Variants in ABLIM2 observed in about 807,000 individuals in gnomAD.
The protein encoded by ABLIM2 is actin binding LIM protein family member 2.
Under a neutral mutation model 97.7 loss-of-function variants are expected in ABLIM2, and 53 were observed. The observed-to-expected ratio is 0.54, with a 90% CI of 0.44 to 0.68. The LOEUF is 0.68. ABLIM2 is among the 30% of genes least tolerant of loss of function. ABLIM2 has a pLI of 0.00. For missense variants in ABLIM2, 835 were observed against 867.2 expected (o/e 0.96, Z 0.47); for synonymous variants, 361 against 345.8 (o/e 1.04, Z -0.49).
intron 16 of ABLIM2, among the ~76,000 whole-genome samples, chr4:8,006,226 C>T (rs1220160337): frequency 5.3e-5 from 8 of 152,216 alleles, no homozygotes; most frequent in South Asian, 2.1e-4. Flanking sequence ...ATCAGGGGCA[C>T]GGGGGTCACA....
chr4:8,101,329 T>G (rs1561416704), intron 2 of ABLIM2, among the ~76,000 whole-genome samples: 1 of 152,226 alleles, frequency 6.6e-6, no homozygotes, highest in African/African-American at 2.4e-5. Flanking sequence ...CCATGTGATC[T>G]TGACACTCGT....
chr4:7,982,262 GC>G, intron 20 of ABLIM2, among the ~76,000 whole-genome samples: 1 of 152,234 alleles, frequency 6.6e-6, no homozygotes, highest in Non-Finnish European at 1.5e-5. Flanking sequence ...CTGGCAGCTG[GC>G]CCTGTGCACA....
chr4:8,055,760 G>A (rs1798693031), intron 7 of ABLIM2, among the ~76,000 whole-genome samples: 3 of 152,166 alleles, frequency 2.0e-5, no homozygotes, highest in Admixed American at 2.0e-4. Context: ...TGGACTACAT[G>A]TGTGTGTGAG....
intron 20 of ABLIM2, among the ~76,000 whole-genome samples, chr4:7,981,998 G>C (rs1738892044): frequency 6.6e-6 from 1 of 152,166 alleles, no homozygotes. Context: ...CCCTTCTGAG[G>C]AGCAGCCTGG....
Position 8,071,839 on chromosome 4 carries a change from G to A in ABLIM2, c.675+5789C>T, listed in dbSNP as rs534600000. 2.3e-5 allele frequency: 23 copies of A among 985,420 alleles called. 1 individual carries two copies. The South Asian group carries it at 9.9e-4, about 42-fold the overall frequency. The allele number at this position is 985,420 out of a possible 1,614,324, so 61.0% of individuals were successfully genotyped here. ...GAGTGCCGTGCTCCCTGGAACGTGTGCCTGCGAGGGTGGACACCCTCACCT... is the reference window on the plus strand; with the variant it reads ...GAGTGCCGTGCTCCCTGGAACGTGTACCTGCGAGGGTGGACACCCTCACCT... On this transcript the variant is annotated intron_variant, in intron 6 of 20. Transcript: ENST00000447017. This position sits in a 1 kb window ranked among gnomAD's most constrained non-coding sequence, Gnocchi z 6.2.
At chr4:8,010,697 C>G in intron 14 of ABLIM2, 1 of 678,302 alleles carries the variant, frequency 1.5e-6, no homozygotes, top group Non-Finnish European at 1.8e-6. Flanking sequence ...GCTCTCCCCA[C>G]TCACAGAGGC....
chr4:7,975,967 A>T (rs535723012), intron 20 of ABLIM2, among the ~76,000 whole-genome samples: 1 of 152,160 alleles, frequency 6.6e-6, no homozygotes, highest in African/African-American at 2.4e-5. Flanking sequence ...ATGTAGCTCA[A>T]TCGTGTTCAG....
rs1011723467 is a variant in ABLIM2 at position 8,061,086 on chromosome 4, A to G, written c.676-32T>C. 1 of 1,556,404 alleles carries G rather than the reference A, an allele frequency of 6.4e-7. No individual in the cohort carries two copies. Among genetic ancestry groups the G allele is most frequent in the Middle Eastern group, 1.8e-4 (1 of 5,512 alleles). On this transcript the variant is annotated intron_variant, in intron 6 of 20. Transcript: ENST00000447017. This position sits in a 1 kb window ranked among gnomAD's most constrained non-coding sequence, Gnocchi z 4.5. Reference sequence around the variant, plus strand: ...GAAAAGCACAAAGCAGAATGTTTCTACTAAAGCCAGAAAGGTCGGCTGGGT... The same window carrying G: ...GAAAAGCACAAAGCAGAATGTTTCTGCTAAAGCCAGAAAGGTCGGCTGGGT...
At chr4:8,086,046 T>G (rs1003041063) in intron 4 of ABLIM2, among the ~76,000 whole-genome samples, 8 of 152,150 alleles carry the variant, frequency 5.3e-5, no homozygotes, top group African/African-American at 1.7e-4. Context: ...GAGGCTGGAC[T>G]GGGAAGACTG....
intron 20 of ABLIM2, among the ~76,000 whole-genome samples, chr4:7,968,603 C>T (rs142386718): frequency 2.7e-4 from 41 of 152,300 alleles, no homozygotes; most frequent in Middle Eastern, 3.4e-3. Flanking sequence ...TATATGATTC[C>T]ACTTCTCTGA....
In ABLIM2 at chr4:8,054,345, C is replaced by T. The variant is rs76649018; in HGVS notation, c.764-99G>A. Reference sequence around the variant, plus strand: ...AGGAGGGAGCTGGTCCATGCACAGACGTGCACTCGGACTCCACCCTCCAAG... The same window carrying T: ...AGGAGGGAGCTGGTCCATGCACAGATGTGCACTCGGACTCCACCCTCCAAG... On this transcript the variant is annotated intron_variant, in intron 7 of 20. Transcript: ENST00000447017. This position sits in a 1 kb window ranked among gnomAD's most constrained non-coding sequence, Gnocchi z 4.9. 1.2e-5 allele frequency: 15 copies of T among 1,282,950 alleles called. No individual in the cohort carries two copies. The highest frequency in any genetic ancestry group is 7.2e-5 in the East Asian group (3 of 41,498). 79.5% of individuals were successfully genotyped at this position (1,282,950 alleles called of 1,614,324 possible). A position where few individuals can be genotyped will look rare whatever the true frequency, so the allele number is the denominator to read the frequency against.
At chr4:8,152,030 G>T (rs1295283276) in intron 1 of ABLIM2, among the ~76,000 whole-genome samples, 1 of 152,158 alleles carries the variant, frequency 6.6e-6, no homozygotes, top group African/African-American at 2.4e-5. Flanking sequence ...CTGCCTCCTG[G>T]CTCTGTGCTG....
rs746621103 is a variant in ABLIM2 at position 8,019,683 on chromosome 4, GA to G, written c.1370-13del. ...TTTTACGCCAGTGTCTGGGGAAGAA[GA>G]AAGAAAAAAAAGGAGAGAACAGGAG... On this transcript the variant is annotated splice_polypyrimidine_tract_variant and intron_variant, in intron 13 of 20. Coordinates refer to ENST00000447017, the MANE Select transcript of ABLIM2 (RefSeq NM_001130083.2). The surrounding 1 kb of genome is among the most constrained non-coding windows in gnomAD (Gnocchi z 4.3). The G allele has an allele frequency of 6.2e-7, 1 of 1,605,216 alleles. No individual in the cohort carries two copies. Among genetic ancestry groups the G allele is most frequent in the East Asian group, 2.2e-5 (1 of 44,772 alleles).
In ABLIM2 at chr4:8,128,664, G is replaced by A. The variant is rs372389576; in HGVS notation, c.11-22027C>T. 1.1e-4 allele frequency among the ~76,000 whole-genome samples: 16 copies of A among 152,244 alleles called. No individual in the cohort carries two copies. In the East Asian group the frequency reaches 2.3e-3, roughly 22 times the overall value. On this transcript the variant is annotated intron_variant, in intron 1 of 20. Coordinates refer to ENST00000447017, the MANE Select transcript of ABLIM2 (RefSeq NM_001130083.2). This position sits in a 1 kb window ranked among gnomAD's most constrained non-coding sequence, Gnocchi z 4.9. ...TTGTCTAGCCCAAGGCCACTGCCGT[G>A]GATTGAATGTGGTGTCCCCTCCCCA...
chr4:8,013,435 G>T (rs1370599833), intron 14 of ABLIM2, among the ~76,000 whole-genome samples: 1 of 152,014 alleles, frequency 6.6e-6, no homozygotes, highest in Non-Finnish European at 1.5e-5. Context: ...TGTTGGTCAG[G>T]CTGGTCTTGA....
intron 7 of ABLIM2, among the ~76,000 whole-genome samples, chr4:8,059,925 AAAC>A (rs1401596530): frequency 2.6e-4 from 19 of 72,150 alleles, no homozygotes; most frequent in Admixed American, 9.4e-4. Flanking sequence ...AAAAAAAAAA[AAAC>A]CCCAAAAAAC....
chr4:8,131,736 CCCCAGCACAGCAGCCCGCA>C (rs1371639771), intron 1 of ABLIM2, among the ~76,000 whole-genome samples: 50 of 101,370 alleles, frequency 4.9e-4, no homozygotes, highest in Admixed American at 8.2e-4. Flanking sequence ...CAGCCCGCAT[CCCCAGCACAGCAGCCCGCA>C]TCCCTGAGCA....
chr4:8,076,112 C>T (rs971886446), intron 6 of ABLIM2, among the ~76,000 whole-genome samples: 7 of 152,214 alleles, frequency 4.6e-5, no homozygotes, highest in Non-Finnish European at 7.3e-5. Context: ...GGACCCTTCC[C>T]GTGGGGGCAT....
chr4:8,070,927 C>T (rs933604621), intron 6 of ABLIM2, among the ~76,000 whole-genome samples: 1 of 152,156 alleles, frequency 6.6e-6, no homozygotes, highest in Non-Finnish European at 1.5e-5. Flanking sequence ...AGACCTCAGC[C>T]CTGACAGGGT....
Sources: gnomAD v4.1 joint callset for allele counts (sites outside exome capture counted in the v4.1 genomes callset) on GRCh38, gnomAD v4.1.1 for gene constraint, Gnocchi (gnomAD v3.1) non-coding constraint, MANE v1.5 for transcripts, NCBI Gene and HGNC (gene_info 2026-07-23, HGNC 2026-07-21) for gene names.